Variants in BMPER observed in about 807,000 individuals in gnomAD.
BMPER encodes the protein BMP binding endothelial regulator.
In BMPER, 45 loss-of-function variants were observed where a neutral mutation model predicts 87.3. The observed-to-expected ratio is 0.52, with a 90% confidence interval of 0.41 to 0.66. BMPER has a LOEUF of 0.66. Among genes scored for constraint, BMPER ranks in the 30% least tolerant of loss-of-function variants. The probability of loss-of-function intolerance (pLI) is 0.00; values close to 1 mark genes in which losing one functional copy is unlikely to be tolerated. For synonymous variants in BMPER, 326 were observed against 316.2 expected, an observed-to-expected ratio of 1.03 and a Z score of -0.33; for missense variants, 784 against 867.5, an observed-to-expected ratio of 0.90 and a Z score of 1.21.
At chr7:34,020,944 A>G (rs761380101) in intron 6 of BMPER, among the ~76,000 whole-genome samples, 3 of 151,792 alleles carry the variant, frequency 2.0e-5, no homozygotes, top group African/African-American at 4.8e-5. Context: ...ATAAAGAGAG[A>G]GGCTTAAAAT....
chr7:34,129,606 G>GAAAGAGAGAAAGAA (rs1355583211), intron 13 of BMPER, among the ~76,000 whole-genome samples: 2 of 86,326 alleles, frequency 2.3e-5, no homozygotes, highest in Non-Finnish European at 4.9e-5. Context: ...GAGAGAGAGA[G>GAAAGAGAGAAAGAA]AGAAAGAGAG....
chr7:34,000,882 A>T (rs1786562982), intron 6 of BMPER, among the ~76,000 whole-genome samples: 1 of 151,930 alleles, frequency 6.6e-6, no homozygotes, highest in Non-Finnish European at 1.5e-5. Flanking sequence ...TAGTTAGTTG[A>T]GTATTTTGAA....
chr7:34,054,415 T>C (rs1406135264), intron 8 of BMPER, among the ~76,000 whole-genome samples: 3 of 152,226 alleles, frequency 2.0e-5, no homozygotes, highest in Non-Finnish European at 4.4e-5. Flanking sequence ...GATTTTTTTT[T>C]CCAATTGAAG....
intron 4 of BMPER, 48 bp downstream of exon 4, chr7:33,966,609 C>A: frequency 6.5e-7 from 1 of 1,549,032 alleles, no homozygotes; most frequent in South Asian, 1.1e-5. Context: ...TCCATAGAGT[C>A]CTCTTTAGTC....
intron 2 of BMPER, among the ~76,000 whole-genome samples, chr7:33,923,797 T>C (rs1327175429): frequency 6.6e-6 from 1 of 152,252 alleles, no homozygotes; most frequent in East Asian, 1.9e-4. Context: ...ATAAGCATTA[T>C]GTTTTATTGG....
intron 11 of BMPER, among the ~76,000 whole-genome samples, chr7:34,071,147 T>A (rs1438699427): frequency 6.6e-6 from 1 of 152,214 alleles, no homozygotes; most frequent in Non-Finnish European, 1.5e-5. Flanking sequence ...TTTTATAGAC[T>A]ACCTCAATTT....
chr7:34,119,134 C>T (rs1404752320), intron 13 of BMPER, among the ~76,000 whole-genome samples: 1 of 152,016 alleles, frequency 6.6e-6, no homozygotes, highest in Non-Finnish European at 1.5e-5. Flanking sequence ...TTCAGGAGAA[C>T]TTTCTGGATG....
At chr7:34,041,869 G>A (rs1025306382) in intron 6 of BMPER, among the ~76,000 whole-genome samples, 2 of 152,070 alleles carry the variant, frequency 1.3e-5, no homozygotes, top group Admixed American at 6.6e-5. Flanking sequence ...CTGAGTCATT[G>A]TAACGGGTTA....
intron 2 of BMPER, among the ~76,000 whole-genome samples, chr7:33,918,623 A>T (rs539989337): frequency 6.6e-6 from 1 of 152,236 alleles, no homozygotes; most frequent in African/African-American, 2.4e-5. Flanking sequence ...AACATGAAAG[A>T]TGAAGCAGAT....
intron 6 of BMPER, among the ~76,000 whole-genome samples, chr7:34,021,203 A>C (rs1457769867): frequency 6.6e-6 from 1 of 152,042 alleles, no homozygotes; most frequent in Admixed American, 6.6e-5. Context: ...CTAACCACTG[A>C]TGTTTGTTAT....
At chr7:33,993,027 C>A (rs1786274645) in intron 6 of BMPER, among the ~76,000 whole-genome samples, 1 of 140,244 alleles carries the variant, frequency 7.1e-6, no homozygotes, top group South Asian at 2.5e-4. Context: ...GTAACCCGAC[C>A]TTTCTCTCTG....
Position 34,027,037 on chromosome 7 carries a change from G to A in BMPER, c.577-19269G>A, listed in dbSNP as rs547017533. On this transcript the variant is annotated intron_variant, in intron 6 of 14. Transcript: ENST00000649409. ...TGATGTATGGTGTTTCCCTGGGACC[G>A]TAGAGTTCATTTGCATGACCCAAAT... Among the ~76,000 whole-genome samples the A allele has an allele frequency of 5.3e-5, 8 of 152,166 alleles. No homozygotes were observed. The South Asian group carries it at 1.5e-3, about 28-fold the overall frequency.
chr7:33,956,517 T>C (rs550192857), intron 3 of BMPER, among the ~76,000 whole-genome samples: 1 of 152,246 alleles, frequency 6.6e-6, no homozygotes, highest in Non-Finnish European at 1.5e-5. Flanking sequence ...GCAGATCTTT[T>C]TCAATAAAAG....
At chr7:34,039,870 A>T (rs1370234976) in intron 6 of BMPER, among the ~76,000 whole-genome samples, 1 of 152,116 alleles carries the variant, frequency 6.6e-6, no homozygotes, top group Non-Finnish European at 1.5e-5. Context: ...CTCATCAGGA[A>T]CACATCTTGT....
intron 6 of BMPER, among the ~76,000 whole-genome samples, chr7:34,024,367 A>AC (rs1787283001): frequency 1.0e-5 from 1 of 96,102 alleles, no homozygotes; most frequent in Non-Finnish European, 1.9e-5. Context: ...CAAAAAAAAA[A>AC]AAAAAAAAAA....
chr7:34,095,225 G>C (rs999003133), intron 13 of BMPER, among the ~76,000 whole-genome samples: 3 of 152,212 alleles, frequency 2.0e-5, no homozygotes, highest in African/African-American at 4.8e-5. Flanking sequence ...GGTGGAGGCT[G>C]AGAAGGAGCT....
intron 6 of BMPER, among the ~76,000 whole-genome samples, chr7:34,034,968 A>T (rs778965514): frequency 5.3e-5 from 8 of 152,112 alleles, no homozygotes; most frequent in Non-Finnish European, 8.8e-5. Context: ...GCTTTGGCTC[A>T]TGCTGGGACC....
intron 13 of BMPER, among the ~76,000 whole-genome samples, chr7:34,117,327 G>A (rs890621428): frequency 6.6e-6 from 1 of 152,102 alleles, no homozygotes; most frequent in African/African-American, 2.4e-5. Flanking sequence ...AAGACCACCA[G>A]GATCAAAAGT....
chr7:34,149,648 G>A (rs1305715781), intron 14 of BMPER, among the ~76,000 whole-genome samples: 3 of 152,032 alleles, frequency 2.0e-5, no homozygotes, highest in African/African-American at 7.2e-5. Flanking sequence ...GAGAGAGAGA[G>A]AAGGTGTCTC....
Sources: gnomAD v4.1 joint callset for allele counts (sites outside exome capture counted in the v4.1 genomes callset) on GRCh38, gnomAD v4.1.1 for gene constraint, MANE v1.5 for transcripts, NCBI Gene and HGNC (gene_info 2026-07-23, HGNC 2026-07-21) for gene names.